The following ZNF420 variants were observed in gnomAD, a reference collection of about 807,000 sequenced individuals.
The protein encoded by ZNF420 is ATM and p53-associated KZNF protein.
Under a neutral mutation model 44.7 loss-of-function variants are expected in ZNF420, and 31 were observed. The observed-to-expected ratio is 0.69, with a 90% CI of 0.52 to 0.94. The LOEUF (loss-of-function observed/expected upper bound fraction) is 0.94, where lower values mean the gene tolerates loss of function less well. ZNF420 is among the 40% of genes least tolerant of loss of function. The probability of loss-of-function intolerance (pLI) is 0.00; values close to 1 mark genes in which losing one functional copy is unlikely to be tolerated. For synonymous variants in ZNF420, 245 were observed against 267.4 expected, an observed-to-expected ratio of 0.92 and a Z score of 0.82; for missense variants, 681 against 827.9, an observed-to-expected ratio of 0.82 and a Z score of 2.18.
chr19:37,121,803 T>C (rs113236623), intron 4 of ZNF420, among the ~76,000 whole-genome samples: 2 of 151,988 alleles, frequency 1.3e-5, no homozygotes, highest in Non-Finnish European at 2.9e-5. Context: ...AAAAAGTGGG[T>C]GAAGGATATG....
At chr19:37,117,412 T>C (rs921313150) in intron 4 of ZNF420, among the ~76,000 whole-genome samples, 5 of 152,228 alleles carry the variant, frequency 3.3e-5, no homozygotes, top group Non-Finnish European at 5.9e-5. Flanking sequence ...GCGAGGCTCC[T>C]GTCTGTTAGA....
At chr19:37,056,482 C>A (rs531084972) in intron 1 of ZNF420, among the ~76,000 whole-genome samples, 110 of 152,322 alleles carry the variant, frequency 7.2e-4, no homozygotes, top group Middle Eastern at 3.4e-3. Context: ...CTTGGACTCG[C>A]CCCTGTCCCT....
chr19:37,128,018 G>T lies in ZNF420; in HGVS notation c.1027G>T (p.Ala343Ser). Residue 343 changes from alanine (A) to serine (S), a missense_variant, in exon 5 of 5, where the codon GCC becomes TCC. Physicochemically the swap from Ala to Ser is moderately conservative, Grantham distance 99. This residue lies in a region of ZNF420 where 51 missense variants were observed against 106.8 expected (regional missense o/e 0.48). Coordinates refer to ENST00000337995, the MANE Select transcript of ZNF420 (RefSeq NM_144689.5). ...KPYECKECGR[A>S]FIRGSLLMQH... Reference sequence around the variant, plus strand: ...ATATGAATGTAAGGAATGTGGAAGGGCCTTTATTCGGGGCTCACTACTGAT... The same window carrying T: ...ATATGAATGTAAGGAATGTGGAAGGTCCTTTATTCGGGGCTCACTACTGAT... The T allele has an allele frequency of 6.2e-7, 1 of 1,613,614 alleles. No homozygotes were observed. The highest frequency in any genetic ancestry group is 8.5e-7 in the Non-Finnish European group (1 of 1,179,876).
intron 1 of ZNF420, among the ~76,000 whole-genome samples, chr19:37,054,859 A>G (rs1239841923): frequency 6.6e-6 from 1 of 152,242 alleles, no homozygotes; most frequent in Non-Finnish European, 1.5e-5. Flanking sequence ...GTTATACAAC[A>G]CAGAAACACA....
At chr19:37,079,487 C>A (rs116163063) in intron 1 of ZNF420, among the ~76,000 whole-genome samples, 2,717 of 152,180 alleles carry the variant, frequency 0.018, 43 homozygotes, top group African/African-American at 0.039. Flanking sequence ...TCATCCATGG[C>A]CTGTATTGCT....
chr19:37,016,827 G>A (rs703537), intron 1 of ZNF420, among the ~76,000 whole-genome samples: 55,400 of 152,034 alleles, frequency 0.36, 10,507 homozygotes, highest in African/African-American at 0.45. Context: ...TTAGTAGCCA[G>A]GCTCTATGGG....
chr19:37,025,248 T>C, intron 1 of ZNF420: 1 of 307,816 alleles, frequency 3.2e-6, no homozygotes, highest in Non-Finnish European at 6.1e-6. Flanking sequence ...CTCTTGTTCA[T>C]TGAACATGTA....
At position 37,128,252 on chromosome 19, in the gene ZNF420, T is replaced by C; in HGVS notation, c.1261T>C (p.Cys421Arg). ...ACACACTGGTGAGAAACCCTATCAATGTAAGGAATGTGGAAAAGCGTTTAA... is the reference window on the plus strand; with the variant it reads ...ACACACTGGTGAGAAACCCTATCAACGTAAGGAATGTGGAAAAGCGTTTAA... ...RIHTGEKPYQ[C>R]KECGKAFNRG... The change falls in exon 5 of 5, where the codon TGT (cysteine) becomes CGT (arginine). Residue 421 changes from cysteine to arginine, a missense_variant. Transcript: ENST00000337995. 6.2e-7 allele frequency: 1 copy of C among 1,614,052 alleles called. No individual in the cohort carries two copies. The highest frequency in any genetic ancestry group is 8.5e-7 in the Non-Finnish European group (1 of 1,179,966).
chr19:37,111,885 G>T (rs1164402994), intron 4 of ZNF420, among the ~76,000 whole-genome samples: 1 of 152,140 alleles, frequency 6.6e-6, no homozygotes, highest in East Asian at 1.9e-4. Context: ...GGGCAACCCT[G>T]GTTGGAGATG....
chr19:37,081,056 C>CA (rs35087056), intron 2 of ZNF420, among the ~76,000 whole-genome samples: 18,241 of 78,916 alleles, frequency 0.23, 1,631 homozygotes, highest in African/African-American at 0.3. Flanking sequence ...GACTCTGTCT[C>CA]AAAAAAAAAA....
Position 37,049,828 on chromosome 19 carries a change from C to T in ZNF420, c.-124-30517C>T, listed in dbSNP as rs140451737. On this transcript the variant is annotated intron_variant, in intron 1 of 4. Transcript: ENST00000587029. ...TGAATGGTATTGCCTACATTTTCTT[C>T]TAGGGTTTTTATGGTTTTAGGTCTA... Among the ~76,000 whole-genome samples, 1,391 of 152,282 alleles carry T rather than the reference C, an allele frequency of 9.1e-3. 24 individuals are homozygous for T. The highest frequency in any genetic ancestry group is 0.032 in the African/African-American group (1,335 of 41,548).
At chr19:37,038,369 C>A (rs1202123245) in intron 1 of ZNF420, among the ~76,000 whole-genome samples, 1 of 152,070 alleles carries the variant, frequency 6.6e-6, no homozygotes, top group Non-Finnish European at 1.5e-5. Flanking sequence ...TGTGGCAATT[C>A]CTTAAAATAA....
At chr19:37,065,465 A>G (rs939522350) in intron 1 of ZNF420, among the ~76,000 whole-genome samples, 3 of 152,208 alleles carry the variant, frequency 2.0e-5, no homozygotes, top group Non-Finnish European at 2.9e-5. Context: ...TTGACCCTCT[A>G]TTGCTGGCTT....
At chr19:37,119,310 A>T (rs1242851010) in intron 4 of ZNF420, among the ~76,000 whole-genome samples, 2 of 152,216 alleles carry the variant, frequency 1.3e-5, no homozygotes, top group Non-Finnish European at 2.9e-5. Flanking sequence ...ACTCAGGATT[A>T]AGAAACTCAC....
chr19:37,030,151 T>C (rs1967230823), intron 1 of ZNF420, among the ~76,000 whole-genome samples: 1 of 152,092 alleles, frequency 6.6e-6, no homozygotes, highest in Admixed American at 6.6e-5. Flanking sequence ...GGTTCTCTGT[T>C]TTTGTTGTTG....
At chr19:37,056,350 A>G (rs2146432642) in intron 1 of ZNF420, among the ~76,000 whole-genome samples, 1 of 152,124 alleles carries the variant, frequency 6.6e-6, no homozygotes, top group East Asian at 1.9e-4. Flanking sequence ...CCCCCCTTCC[A>G]CCAGGCACAT....
chr19:37,012,732 G>T (rs1417336538), intron 1 of ZNF420, among the ~76,000 whole-genome samples: 1 of 151,530 alleles, frequency 6.6e-6, no homozygotes, highest in African/African-American at 2.4e-5. Context: ...GGGTTGCCTG[G>T]GGGGGTGTGC....
At chr19:37,092,364 G>A (rs942804691) in intron 4 of ZNF420, 3 of 152,074 alleles carry the variant, frequency 2.0e-5, no homozygotes, top group African/African-American at 7.2e-5. Context: ...TTTCAAAAGA[G>A]GGAATGGTTG....
intron 1 of ZNF420, 62 bp downstream of exon 1, chr19:37,078,632 T>C (rs1292602405): frequency 2.0e-5 from 3 of 152,386 alleles, no homozygotes; most frequent in Admixed American, 1.3e-4. Context: ...GGGTTACTCG[T>C]GTGGCCGTGT....
Sources: allele counts gnomAD v4.1 joint callset (sites outside exome capture counted in the v4.1 genomes callset), GRCh38; gene constraint gnomAD v4.1.1; regional missense constraint gnomAD v4.1.1; transcripts MANE v1.5; gene names NCBI Gene and HGNC (gene_info 2026-07-23, HGNC 2026-07-21).